The following NAV1 variants were observed in gnomAD, a reference collection of about 807,000 sequenced individuals.
NAV1 encodes pore membrane and/or filament interacting like protein 3.
Under a neutral mutation model 175.2 loss-of-function variants are expected in NAV1, and 18 were observed. The observed-to-expected ratio is 0.10, with a 90% CI of 0.07 to 0.15. The LOEUF (loss-of-function observed/expected upper bound fraction) is 0.15, where lower values mean the gene tolerates loss of function less well. Ranked by LOEUF, NAV1 falls within the 10% of genes least tolerant of loss-of-function variation. The probability of loss-of-function intolerance (pLI) is 1.00; values close to 1 mark genes in which losing one functional copy is unlikely to be tolerated. For synonymous variants in NAV1, 897 were observed against 978.7 expected (o/e 0.92, Z 1.56); for missense variants, 1,731 against 2,436.6 (o/e 0.71, Z 6.10).
chr1:201,790,530 C>G, intron 11 of NAV1, 24 bp from the exon 16 acceptor site: 1 of 1,613,920 alleles, frequency 6.2e-7, no homozygotes. Context: ...CTCTCTTTCT[C>G]TCCTTCTGTG....
At chr1:201,746,071 A>G (rs2102577058) in intron 3 of NAV1, among the ~76,000 whole-genome samples, 1 of 151,438 alleles carries the variant, frequency 6.6e-6, no homozygotes, top group South Asian at 2.1e-4. Context: ...CAAGCAATCC[A>G]CCCACCTCAG....
At chr1:201,767,062 A>T (rs1571471434) in intron 3 of NAV1, among the ~76,000 whole-genome samples, 1 of 151,484 alleles carries the variant, frequency 6.6e-6, no homozygotes, top group African/African-American at 2.4e-5. Flanking sequence ...CTTGTGATCC[A>T]CCTGCCTCGC....
At chr1:201,568,324 G>T (rs756431246) in intron 1 of NAV1, among the ~76,000 whole-genome samples, 15 of 152,148 alleles carry the variant, frequency 9.9e-5, no homozygotes, top group Non-Finnish European at 1.8e-4. Flanking sequence ...CTGGAACCCT[G>T]GCTTGTCTGT....
chr1:201,545,069 A>G (rs1220063206), intron 1 of NAV1, among the ~76,000 whole-genome samples: 3 of 152,242 alleles, frequency 2.0e-5, no homozygotes, highest in South Asian at 2.1e-4. Flanking sequence ...TGGGCAGGCC[A>G]TGGAATCTCT....
intron 1 of NAV1, among the ~76,000 whole-genome samples, chr1:201,670,177 G>A (rs762879578): frequency 1.3e-4 from 19 of 151,402 alleles, no homozygotes; most frequent in Non-Finnish European, 2.5e-4. Flanking sequence ...AGATCACGAG[G>A]TCAGGAGATC....
intron 1 of NAV1, among the ~76,000 whole-genome samples, chr1:201,656,806 G>A (rs558970307): frequency 1.3e-5 from 2 of 152,344 alleles, no homozygotes; most frequent in African/African-American, 4.8e-5. Flanking sequence ...TGACCCTGGT[G>A]GAACAGCTTC....
chr1:201,541,728 C>G (rs1665521736), intron 1 of NAV1, among the ~76,000 whole-genome samples: 1 of 152,154 alleles, frequency 6.6e-6, no homozygotes, highest in Admixed American at 6.5e-5. Flanking sequence ...AAGCCGAGAT[C>G]ATGCCATTGC....
At chr1:201,791,057 G>A in intron 13 of NAV1, 1 of 349,228 alleles carries the variant, frequency 2.9e-6, no homozygotes, top group Non-Finnish European at 5.2e-6. Context: ...GATTACCAGT[G>A]GTTCTGCATG....
intron 1 of NAV1, among the ~76,000 whole-genome samples, chr1:201,667,356 A>G (rs752039491): frequency 6.6e-6 from 1 of 152,180 alleles, no homozygotes; most frequent in East Asian, 1.9e-4. Flanking sequence ...ACCCTGGCAG[A>G]TGTTCTCTGG....
chr1:201,758,516 G>T (rs552978669), intron 3 of NAV1, among the ~76,000 whole-genome samples: 1 of 152,292 alleles, frequency 6.6e-6, no homozygotes, highest in East Asian at 1.9e-4. Flanking sequence ...GCTTTTTGAG[G>T]TCTAGGAACT....
chr1:201,802,222 T>C (rs1208661438), intron 15 of NAV1, among the ~76,000 whole-genome samples: 1 of 143,492 alleles, frequency 7.0e-6, no homozygotes, highest in Admixed American at 7.1e-5. Flanking sequence ...GGAAAATCGT[T>C]TGAACCCAGG....
At chr1:201,693,412 C>G (rs1671040390) in intron 1 of NAV1, among the ~76,000 whole-genome samples, 4 of 152,182 alleles carry the variant, frequency 2.6e-5, no homozygotes, top group Admixed American at 2.6e-4. Context: ...CTCACCATCA[C>G]TCGGGCAGCA....
chr1:201,746,995 A>G (rs1314873758), intron 3 of NAV1, among the ~76,000 whole-genome samples: 3 of 69,230 alleles, frequency 4.3e-5, no homozygotes, highest in Admixed American at 1.6e-4. Context: ...CCCTGTCTCA[A>G]AAAAAAAAAA....
intron 2 of NAV1, among the ~76,000 whole-genome samples, chr1:201,611,691 G>T (rs896833797): frequency 5.3e-5 from 8 of 152,200 alleles, no homozygotes; most frequent in African/African-American, 1.7e-4. Flanking sequence ...ACAAATATTG[G>T]AAGTTGTGTG....
intron 3 of NAV1, among the ~76,000 whole-genome samples, chr1:201,753,862 C>G (rs1674292639): frequency 6.6e-6 from 1 of 152,086 alleles, no homozygotes; most frequent in South Asian, 2.1e-4. Context: ...AAAGAAGGGA[C>G]CAATAAAGTC....
upstream of NAV1, chr1:201,622,910 C>T (rs973401685): frequency 1.1e-4 from 105 of 986,122 alleles, no homozygotes; most frequent in Non-Finnish European, 1.1e-4. Flanking sequence ...AATGTGAATC[C>T]CGCCAGCCGC....
intron 3 of NAV1, among the ~76,000 whole-genome samples, chr1:201,743,764 C>T (rs1388033405): frequency 6.6e-6 from 1 of 152,164 alleles, no homozygotes; most frequent in African/African-American, 2.4e-5. Context: ...TACTTAAATT[C>T]GTCATTGCCC....
chr1:201,690,429 C>T (rs10158870), intron 1 of NAV1, among the ~76,000 whole-genome samples: 6 of 96,192 alleles, frequency 6.2e-5, no homozygotes, highest in African/African-American at 1.2e-4. Context: ...CTGGCCTGTC[C>T]GTGGCAGAGT....
At chr1:201,759,220 A>G (rs1322915327) in intron 3 of NAV1, among the ~76,000 whole-genome samples, 1 of 152,226 alleles carries the variant, frequency 6.6e-6, no homozygotes, top group Admixed American at 6.5e-5. Context: ...TTGTGTCATT[A>G]TAAAAGGCAG....
Sources: allele counts gnomAD v4.1 joint callset (sites outside exome capture counted in the v4.1 genomes callset), GRCh38; gene constraint gnomAD v4.1.1; transcripts MANE v1.5; gene names NCBI Gene and HGNC (gene_info 2026-07-23, HGNC 2026-07-21).